The following SCML4 variants were observed in gnomAD, a reference collection of about 807,000 sequenced individuals.
The protein encoded by SCML4 is Scm polycomb group protein like 4, also known as sex comb on midleg-like protein 4.
A neutral mutation model predicts 41.1 loss-of-function variants in SCML4; 34 were observed. That is an observed-to-expected ratio of 0.83 (90% confidence interval 0.63 to 1.10). The LOEUF (loss-of-function observed/expected upper bound fraction) is 1.10, where lower values mean the gene tolerates loss of function less well. SCML4 is among the 50% of genes least tolerant of loss of function. The pLI, the probability that SCML4 is intolerant of heterozygous loss-of-function variation, is 0.00. For synonymous variants in SCML4, 214 were observed against 220.9 expected (o/e 0.97, Z 0.28); for missense variants, 522 against 534.1 (o/e 0.98, Z 0.22).
chr6:107,755,623 G>A, intron 2 of SCML4: 1 of 1,339,688 alleles, frequency 7.5e-7, no homozygotes, highest in Non-Finnish European at 9.9e-7. Context: ...TATCCAAGCT[G>A]TTCTCTGGCA....
chr6:107,802,642 A>C, intron 1 of SCML4, among the ~76,000 whole-genome samples: 1 of 94,878 alleles, frequency 1.1e-5, no homozygotes, highest in East Asian at 3.3e-4. Context: ...AAGGAAAGAA[A>C]ATTGGAAAGG....
rs547311445 is a variant in SCML4 at position 107,703,047 on chromosome 6, C to T, written c.*2153G>A. Among the ~76,000 whole-genome samples, 12 of 152,226 alleles carry T rather than the reference C, an allele frequency of 7.9e-5. No homozygotes were observed. In the South Asian group the frequency reaches 1.0e-3, roughly 13 times the overall value. On this transcript the variant is annotated 3_prime_UTR_variant, in exon 8 of 8. Coordinates refer to ENST00000369020, the MANE Select transcript of SCML4 (RefSeq NM_198081.5). ...TGCTATACTACCACCAGTGCCATGACGGTTTACAAATGCCATGGCAACATC... is the reference window on the plus strand; with the variant it reads ...TGCTATACTACCACCAGTGCCATGATGGTTTACAAATGCCATGGCAACATC...
chr6:107,780,220 G>A (rs2114592172), intron 1 of SCML4, among the ~76,000 whole-genome samples: 1 of 152,258 alleles, frequency 6.6e-6, no homozygotes, highest in Admixed American at 6.5e-5. Context: ...GCCTTTGATA[G>A]AACGAAACCT....
the SCML4 span, among the ~76,000 whole-genome samples, chr6:107,843,010 C>T: frequency 2.0e-5 from 3 of 151,900 alleles, no homozygotes; most frequent in Non-Finnish European, 4.4e-5. Flanking sequence ...TTTCATTCTT[C>T]TACTTATAAT....
chr6:107,758,320 A>G (rs1779273074), intron 2 of SCML4, among the ~76,000 whole-genome samples: 1 of 152,226 alleles, frequency 6.6e-6, no homozygotes, highest in Non-Finnish European at 1.5e-5. Context: ...CAAACATTCT[A>G]AAGCTTGGCT....
chr6:107,735,140 T>C (rs1407029565), intron 5 of SCML4, among the ~76,000 whole-genome samples: 2 of 152,184 alleles, frequency 1.3e-5, no homozygotes, highest in African/African-American at 4.8e-5. Flanking sequence ...CCTCCCAAAG[T>C]GCTGGGATTA....
chr6:107,798,267 G>A (rs1782856097), intron 1 of SCML4, among the ~76,000 whole-genome samples: 1 of 151,760 alleles, frequency 6.6e-6, no homozygotes, highest in Non-Finnish European at 1.5e-5. Context: ...GTCTTTTTAT[G>A]GAAAAGTTTT....
At chr6:107,798,833 C>T (rs1234631592) in intron 1 of SCML4, among the ~76,000 whole-genome samples, 1 of 151,980 alleles carries the variant, frequency 6.6e-6, no homozygotes, top group Non-Finnish European at 1.5e-5. Flanking sequence ...TTCTAATTTT[C>T]CTGGTGATTT....
chr6:107,751,562 C>T (rs1419374071), intron 2 of SCML4, among the ~76,000 whole-genome samples: 3 of 151,982 alleles, frequency 2.0e-5, no homozygotes, highest in Non-Finnish European at 4.4e-5. Context: ...TTTAAACTAA[C>T]ATTTTAACAA....
intron 5 of SCML4, among the ~76,000 whole-genome samples, chr6:107,735,512 G>A (rs550158444): frequency 1.3e-5 from 2 of 151,574 alleles, no homozygotes; most frequent in African/African-American, 4.9e-5. Flanking sequence ...ATCACATAAA[G>A]TCATGGCCCG....
chr6:107,840,003 ACTG>A, the SCML4 span, among the ~76,000 whole-genome samples: 6 of 152,340 alleles, frequency 3.9e-5, no homozygotes, highest in South Asian at 6.2e-4. Flanking sequence ...ACCGAATTTG[ACTG>A]CTTTTTACTC....
At chr6:107,762,621 G>A (rs908539245) in intron 2 of SCML4, among the ~76,000 whole-genome samples, 1 of 152,144 alleles carries the variant, frequency 6.6e-6, no homozygotes, top group Non-Finnish European at 1.5e-5. Flanking sequence ...GGACGGAGAG[G>A]CAGACACACA....
At chr6:107,818,498 A>G (rs1784714031) in intron 1 of SCML4, among the ~76,000 whole-genome samples, 1 of 152,242 alleles carries the variant, frequency 6.6e-6, no homozygotes. Flanking sequence ...ATTGTTTGAT[A>G]AAGCCTTGAC....
At chr6:107,712,628 G>A (rs1774339350) in intron 6 of SCML4, among the ~76,000 whole-genome samples, 1 of 152,202 alleles carries the variant, frequency 6.6e-6, no homozygotes. Flanking sequence ...ACAAGACAGA[G>A]GGCAGCAGGC....
intron 7 of SCML4, 95 bp downstream of exon 7, chr6:107,707,771 C>A: frequency 6.7e-7 from 1 of 1,491,636 alleles, no homozygotes; most frequent in South Asian, 1.2e-5. Context: ...CCTCCACCAC[C>A]TCCCCTGGCA....
At chr6:107,733,953 C>G (rs1378487511) in intron 5 of SCML4, among the ~76,000 whole-genome samples, 1 of 152,210 alleles carries the variant, frequency 6.6e-6, no homozygotes, top group Non-Finnish European at 1.5e-5. Context: ...ATCTGGCCAG[C>G]TCTAATGGCT....
rs1390846985 is a variant in SCML4, at chr6:107,702,570, T to C, written c.*2630A>G. Reference sequence around the variant, plus strand: ...AAAGAGGAGTGAAAAACCTGGATTGTTGTGGGATTTTTCTGGATCTCATTG... The same window carrying C: ...AAAGAGGAGTGAAAAACCTGGATTGCTGTGGGATTTTTCTGGATCTCATTG... On this transcript the variant is annotated 3_prime_UTR_variant, in exon 8 of 8. Coordinates refer to ENST00000369020, the MANE Select transcript of SCML4 (RefSeq NM_198081.5). 6.6e-6 allele frequency among the ~76,000 whole-genome samples: 1 copy of C among 152,158 alleles called. No homozygotes were observed. The highest frequency in any genetic ancestry group is 1.5e-5 in the Non-Finnish European group (1 of 68,034).
intron 5 of SCML4, among the ~76,000 whole-genome samples, chr6:107,725,961 C>T (rs1332965150): frequency 6.6e-6 from 1 of 151,526 alleles, no homozygotes; most frequent in African/African-American, 2.4e-5. Context: ...TCTGTAATCC[C>T]AGCTGCTTGG....
chr6:107,723,943 T>C (rs938555621), intron 5 of SCML4, among the ~76,000 whole-genome samples: 1 of 151,916 alleles, frequency 6.6e-6, no homozygotes, highest in African/African-American at 2.4e-5. Context: ...CGGCAACATA[T>C]AAAAAGATAT....
Sources: gnomAD v4.1 joint callset for allele counts (sites outside exome capture counted in the v4.1 genomes callset) on GRCh38, gnomAD v4.1.1 for gene constraint, MANE v1.5 for transcripts, NCBI Gene and HGNC (gene_info 2026-07-23, HGNC 2026-07-21) for gene names.